Variants in STARD3NL observed in about 807,000 individuals in gnomAD.
The protein encoded by STARD3NL is STARD3 N-terminal-like protein.
In STARD3NL, 17 loss-of-function variants were observed where a neutral mutation model predicts 30.9. That is an observed-to-expected ratio of 0.55 (90% CI 0.38 to 0.82). The LOEUF is 0.82. STARD3NL is among the 40% of genes least tolerant of loss of function. The probability of loss-of-function intolerance (pLI) is 0.00; values close to 1 mark genes in which losing one functional copy is unlikely to be tolerated. For synonymous variants in STARD3NL, 112 were observed against 100.5 expected (o/e 1.11, Z -0.69); for missense variants, 234 against 277.6 (o/e 0.84, Z 1.12).
chr7:38,204,342 C>A (rs546466481), intron 1 of STARD3NL, among the ~76,000 whole-genome samples: 1 of 152,106 alleles, frequency 6.6e-6, no homozygotes, highest in African/African-American at 2.4e-5. Context: ...CACTCAAAAC[C>A]GCTCAACTAC....
intron 7 of STARD3NL, among the ~76,000 whole-genome samples, chr7:38,228,542 G>T (rs913899697): frequency 1.3e-5 from 2 of 152,224 alleles, no homozygotes; most frequent in Admixed American, 6.5e-5. Context: ...TTATTGGTCT[G>T]CATGAATATT....
At chr7:38,186,778 G>C (rs1458825812) in intron 1 of STARD3NL, among the ~76,000 whole-genome samples, 1 of 152,126 alleles carries the variant, frequency 6.6e-6, no homozygotes, top group Non-Finnish European at 1.5e-5. Context: ...TTAACACTGT[G>C]ATAATGAGGA....
intron 2 of STARD3NL, among the ~76,000 whole-genome samples, chr7:38,212,943 A>G (rs556470783): frequency 5.3e-5 from 8 of 152,314 alleles, no homozygotes; most frequent in Non-Finnish European, 8.8e-5. Flanking sequence ...GATTTAGAGT[A>G]TAAGTTAGGG....
intron 8 of STARD3NL, 22 bp downstream of exon 8, chr7:38,228,893 A>T (rs776008338): frequency 5.8e-6 from 9 of 1,553,782 alleles, no homozygotes; most frequent in Non-Finnish European, 8.0e-6. Context: ...AAATGAAACC[A>T]TAACAACAAA....
chr7:38,227,495 A>G (rs1371490489), intron 7 of STARD3NL, among the ~76,000 whole-genome samples: 1 of 152,356 alleles, frequency 6.6e-6, no homozygotes, highest in East Asian at 1.9e-4. Context: ...CCCTATAACA[A>G]ATTTGTTCTT....
At chr7:38,197,519 A>G (rs1026545840) in intron 1 of STARD3NL, among the ~76,000 whole-genome samples, 1 of 152,142 alleles carries the variant, frequency 6.6e-6, no homozygotes, top group African/African-American at 2.4e-5. Flanking sequence ...TTCTTTTTTT[A>G]AGAATAGCTT....
chr7:38,185,644 C>T (rs750439899), intron 1 of STARD3NL, among the ~76,000 whole-genome samples: 5 of 152,118 alleles, frequency 3.3e-5, no homozygotes, highest in African/African-American at 1.2e-4. Flanking sequence ...ACTTATCTCC[C>T]GCATTCCTGA....
At chr7:38,184,038 G>C (rs1326076275) in intron 1 of STARD3NL, among the ~76,000 whole-genome samples, 1 of 152,136 alleles carries the variant, frequency 6.6e-6, no homozygotes, top group Non-Finnish European at 1.5e-5. Context: ...TAAGAATATA[G>C]AATGTTCTCT....
intron 1 of STARD3NL, among the ~76,000 whole-genome samples, chr7:38,180,249 C>T (rs1784193490): frequency 6.6e-6 from 1 of 152,236 alleles, no homozygotes; most frequent in Non-Finnish European, 1.5e-5. Flanking sequence ...TTTCCTTCAG[C>T]ACCTTATCCG....
chr7:38,224,008 C>T (rs1336965283), intron 7 of STARD3NL, among the ~76,000 whole-genome samples: 1 of 152,148 alleles, frequency 6.6e-6, no homozygotes, highest in Non-Finnish European at 1.5e-5. Flanking sequence ...TTCTTTGTAT[C>T]TTGACAAATT....
At chr7:38,210,503 A>T (rs1785736358) in intron 2 of STARD3NL, among the ~76,000 whole-genome samples, 1 of 152,184 alleles carries the variant, frequency 6.6e-6, no homozygotes, top group Non-Finnish European at 1.5e-5. Flanking sequence ...GAGAAGCCTA[A>T]CACCACCTTA....
intron 6 of STARD3NL, 131 bp from the exon 7 acceptor site, chr7:38,219,434 C>G: frequency 1.7e-6 from 1 of 582,082 alleles, no homozygotes; most frequent in Non-Finnish European, 3.0e-6. Flanking sequence ...TTGGTTGAAA[C>G]ATTTTTAAAG....
At chr7:38,217,799 A>G (rs142184294) in intron 6 of STARD3NL, among the ~76,000 whole-genome samples, 76 of 152,306 alleles carry the variant, frequency 5.0e-4, no homozygotes, top group African/African-American at 1.5e-3. Context: ...GTGGCTTCAG[A>G]TGGGCCTCTG....
chr7:38,215,948 C>G (rs184286007), intron 4 of STARD3NL: 1 of 152,216 alleles, frequency 6.6e-6, no homozygotes, highest in African/African-American at 2.4e-5. Context: ...CTCAGAATCA[C>G]GGGGCAGCGG....
At chr7:38,193,460 G>A (rs895889611) in intron 1 of STARD3NL, among the ~76,000 whole-genome samples, 5 of 152,032 alleles carry the variant, frequency 3.3e-5, no homozygotes, top group Admixed American at 6.6e-5. Context: ...CACCACGCCC[G>A]GCTAATTTTT....
chr7:38,215,090 T>C lies in STARD3NL; in HGVS notation c.366T>C (p.His122=). 1 of 1,614,040 alleles carries C rather than the reference T, an allele frequency of 6.2e-7. No homozygotes were observed. The highest frequency in any genetic ancestry group is 8.5e-7 in the Non-Finnish European group (1 of 1,179,948). The change falls in exon 4 of 9, where the codon CAT becomes CAC. Residue 122 remains histidine, a synonymous_variant. Coordinates refer to ENST00000009041, the MANE Select transcript of STARD3NL (RefSeq NM_032016.4). ...CATATGCTGTGTGCAGACTGCGCCA[T>C]TGGTGGGCAATAGCGGTGAGTATGC... ...ILAYAVCRLR[H]WWAIALTTAV...
intron 2 of STARD3NL, among the ~76,000 whole-genome samples, chr7:38,208,485 A>G (rs1247256076): frequency 8.5e-5 from 13 of 152,240 alleles, no homozygotes; most frequent in African/African-American, 3.1e-4. Flanking sequence ...AATCAAACAG[A>G]TGAAACTCAT....
intron 7 of STARD3NL, 84 bp from the exon 8 acceptor site, chr7:38,228,715 T>C (rs1306433229): frequency 3.4e-6 from 4 of 1,179,792 alleles, no homozygotes; most frequent in Non-Finnish European, 3.7e-6. Context: ...GTATATGTTA[T>C]AATTTTAAAC....
intron 1 of STARD3NL, among the ~76,000 whole-genome samples, chr7:38,180,459 G>A (rs1303708864): frequency 6.6e-6 from 1 of 152,196 alleles, no homozygotes; most frequent in Non-Finnish European, 1.5e-5. Flanking sequence ...ATTGGCAAGT[G>A]GATTATTGTT....
Sources: gnomAD v4.1 joint callset for allele counts (sites outside exome capture counted in the v4.1 genomes callset) on GRCh38, gnomAD v4.1.1 for gene constraint, MANE v1.5 for transcripts, NCBI Gene and HGNC (gene_info 2026-07-23, HGNC 2026-07-21) for gene names.